Variants in PTK2 observed in about 807,000 individuals in gnomAD.
The protein encoded by PTK2 is protein tyrosine kinase 2.
In PTK2, 45 loss-of-function variants were observed where a neutral mutation model predicts 150.1. The observed-to-expected ratio is 0.30, with a 90% confidence interval of 0.24 to 0.38. PTK2 has a LOEUF of 0.38. PTK2 is among the 10% of genes least tolerant of loss of function. PTK2 has a pLI of 1.00. For synonymous variants in PTK2, 432 were observed against 449.2 expected (o/e 0.96, Z 0.48); for missense variants, 919 against 1,307.3 (o/e 0.70, Z 4.58).
At chr8:140,764,275 G>A in exon 15 of PTK2, 1 of 1,610,004 alleles carries the variant, frequency 6.2e-7, no homozygotes. Flanking sequence ...TATAATCTCA[G>A]CATAATCATC....
upstream of PTK2, among the ~76,000 whole-genome samples, chr8:141,001,729 G>A (rs1046964953): frequency 5.9e-5 from 9 of 152,198 alleles, no homozygotes; most frequent in African/African-American, 2.2e-4. Context: ...CCCAGAGTTG[G>A]ACGCCCGCTG....
chr8:140,717,620 C>T, exon 23 of PTK2: 1 of 1,613,874 alleles, frequency 6.2e-7, no homozygotes, highest in Non-Finnish European at 8.5e-7. Flanking sequence ...TTCATCAGAC[C>T]CTCCGGAGTC....
At chr8:140,668,150 C>G in intron 30 of PTK2, 119 bp downstream of exon 34, 1 of 1,191,508 alleles carries the variant, frequency 8.4e-7, no homozygotes, top group Middle Eastern at 2.0e-4. Flanking sequence ...TGAAGAGCTT[C>G]TAAAGCATCA....
At chr8:140,866,919 T>C (rs1388374443) in intron 4 of PTK2, among the ~76,000 whole-genome samples, 1 of 152,188 alleles carries the variant, frequency 6.6e-6, no homozygotes, top group African/African-American at 2.4e-5. Context: ...TCTGATATGA[T>C]GATATCTGAA....
intron 14 of PTK2, among the ~76,000 whole-genome samples, chr8:140,775,079 G>T (rs925721678): frequency 1.3e-5 from 2 of 152,182 alleles, no homozygotes; most frequent in African/African-American, 2.4e-5. Flanking sequence ...CTATGGATTT[G>T]CCTCAACTTC....
At chr8:140,996,351 C>G (rs1168338751) in intron 1 of PTK2, among the ~76,000 whole-genome samples, 2 of 152,204 alleles carry the variant, frequency 1.3e-5, no homozygotes, top group Admixed American at 6.5e-5. Flanking sequence ...GCAGCAAGTG[C>G]TGGTGGAGAA....
chr8:140,694,595 C>A (rs546580983), intron 26 of PTK2, among the ~76,000 whole-genome samples: 1 of 152,234 alleles, frequency 6.6e-6, no homozygotes, highest in African/African-American at 2.4e-5. Flanking sequence ...TCAACAATGA[C>A]CTGATTAACC....
intron 7 of PTK2, chr8:140,832,896 C>T (rs755824338): frequency 1.3e-5 from 7 of 518,874 alleles, no homozygotes; most frequent in Admixed American, 7.8e-5. Flanking sequence ...GCAACACACA[C>T]GTCAGTATTT....
intron 23 of PTK2, among the ~76,000 whole-genome samples, chr8:140,708,494 G>A (rs546913944): frequency 7.7e-4 from 117 of 152,248 alleles, no homozygotes; most frequent in African/African-American, 2.6e-3. Context: ...TCGGTTGCAG[G>A]TACTTTTGCA....
At chr8:140,786,237 A>C (rs1445041792) in intron 14 of PTK2, among the ~76,000 whole-genome samples, 1 of 152,204 alleles carries the variant, frequency 6.6e-6, no homozygotes, top group Non-Finnish European at 1.5e-5. Context: ...CAGCTGGCAT[A>C]CAGTTGACTG....
intron 27 of PTK2, 96 bp downstream of exon 30, chr8:140,686,536 C>T: frequency 1.0e-6 from 1 of 975,298 alleles, no homozygotes. Flanking sequence ...TTCCCTATTA[C>T]AAATATTAGT....
intron 27 of PTK2, among the ~76,000 whole-genome samples, chr8:140,684,773 G>A (rs145722446): frequency 6.6e-6 from 1 of 152,162 alleles, no homozygotes; most frequent in African/African-American, 2.4e-5. Context: ...TTGTTATAAT[G>A]GTCATACCGC....
intron 5 of PTK2, among the ~76,000 whole-genome samples, chr8:140,862,727 C>T (rs1159506584): frequency 2.0e-5 from 3 of 152,158 alleles, no homozygotes; most frequent in Non-Finnish European, 4.4e-5. Context: ...AGCGCAAACC[C>T]TGTTGTGAGG....
intron 10 of PTK2, among the ~76,000 whole-genome samples, chr8:140,815,407 C>T (rs939967382): frequency 1.3e-5 from 2 of 151,982 alleles, no homozygotes; most frequent in Admixed American, 1.3e-4. Context: ...ACACTGGGGC[C>T]TACCAGAGGG....
chr8:140,988,458 G>T (rs1002849521), intron 1 of PTK2, among the ~76,000 whole-genome samples: 2 of 152,160 alleles, frequency 1.3e-5, no homozygotes, highest in East Asian at 3.9e-4. Flanking sequence ...GGCTGGGCAT[G>T]GTGGCTCATG....
intron 22 of PTK2, among the ~76,000 whole-genome samples, chr8:140,723,161 T>A (rs1209082984): frequency 6.6e-6 from 1 of 152,226 alleles, no homozygotes; most frequent in South Asian, 2.1e-4. Context: ...CAGCCCTTAA[T>A]CACATATTGC....
chr8:140,976,856 G>C (rs924625475), intron 1 of PTK2, among the ~76,000 whole-genome samples: 1 of 152,052 alleles, frequency 6.6e-6, no homozygotes, highest in African/African-American at 2.4e-5. Flanking sequence ...CAAGATTTTA[G>C]CCAAATTCTA....
At chr8:140,667,433 CCTAGTGTCCT>C (rs1407096471) in intron 30 of PTK2, among the ~76,000 whole-genome samples, 1 of 150,666 alleles carries the variant, frequency 6.6e-6, no homozygotes, top group Non-Finnish European at 1.5e-5. Context: ...TTTCCTTGGA[CCTAGTGTCCT>C]CTTTCTTTCT....
chr8:140,672,361 C>G (rs73714719), intron 29 of PTK2, among the ~76,000 whole-genome samples: 5,243 of 152,126 alleles, frequency 0.034, 286 homozygotes, highest in African/African-American at 0.12. Flanking sequence ...TTGAAAGAAG[C>G]CAATATTGGG....
Sources: allele counts gnomAD v4.1 joint callset (sites outside exome capture counted in the v4.1 genomes callset), GRCh38; gene constraint gnomAD v4.1.1; transcripts MANE v1.5; gene names NCBI Gene and HGNC (gene_info 2026-07-23, HGNC 2026-07-21).